Variants in CMYA5 observed in about 807,000 individuals in gnomAD.
CMYA5 encodes cardiomyopathy associated 5.
A neutral mutation model predicts 318.9 loss-of-function variants in CMYA5; 246 were observed. The observed-to-expected ratio is 0.77, with a 90% confidence interval of 0.70 to 0.86. The LOEUF is 0.86. Ranked by LOEUF, CMYA5 falls within the 40% of genes least tolerant of loss-of-function variation. CMYA5 has a pLI of 0.00. For synonymous variants in CMYA5, 1,641 were observed against 1,729.5 expected, an observed-to-expected ratio of 0.95 and a Z score of 1.27; for missense variants, 4,589 against 4,678.2, an observed-to-expected ratio of 0.98 and a Z score of 0.56.
At position 79,759,869 on chromosome 5, in the gene CMYA5, A is replaced by G. The variant is rs867433133; in HGVS notation, c.11260+967A>G. 3.9e-5 allele frequency among the ~76,000 whole-genome samples: 6 copies of G among 152,202 alleles called. No homozygotes were observed. In the South Asian group the frequency reaches 1.0e-3, roughly 26 times the overall value. On this transcript the variant is annotated intron_variant, in intron 7 of 12. Coordinates refer to ENST00000446378, the MANE Select transcript of CMYA5 (RefSeq NM_153610.5). ...TTATAGGCATGGTGTAAAGTTGGCT[A>G]AATCTGTCTGTAATGTCATGACTCC...
At chr5:79,714,133 C>G (rs1460133450) in intron 1 of CMYA5, among the ~76,000 whole-genome samples, 2 of 152,244 alleles carry the variant, frequency 1.3e-5, no homozygotes, top group East Asian at 3.9e-4. Context: ...TTACAACTTT[C>G]AAGAAGATTA....
At chr5:79,707,681 T>C (rs1396461612) in intron 1 of CMYA5, among the ~76,000 whole-genome samples, 1 of 152,200 alleles carries the variant, frequency 6.6e-6, no homozygotes, top group Non-Finnish European at 1.5e-5. Context: ...TTACATATCA[T>C]TTCCACATAA....
chr5:79,737,586 A>G lies in CMYA5; in HGVS notation c.8821A>G (p.Lys2941Glu). The G allele has an allele frequency of 2.5e-6, 4 of 1,613,756 alleles. No individual in the cohort carries two copies. The highest frequency in any genetic ancestry group is 3.4e-6 in the Non-Finnish European group (4 of 1,179,812). The change falls in exon 2 of 13, where the codon AAG becomes GAG. Residue 2941 changes from lysine (K) to glutamate (E), a missense_variant. By Grantham distance (56) the Lys-to-Glu change is moderately conservative. This residue lies in a region of CMYA5 where 2,431 missense variants were observed against 2,495.1 expected (regional missense o/e 0.97). Transcript: ENST00000446378. The part of the protein sequence containing the change: ...SKPAGLSEDQ[K>E]TAFSIISEGC... ...GCCAGCCGGACTTTCAGAAGATCAG[A>G]AGACTGCCTTTAGTATCATTTCTGA...
At position 79,745,289 on chromosome 5, in the gene CMYA5, C is replaced by G; in HGVS notation, c.10802C>G (p.Ala3601Gly). Residue 3601 changes from alanine (A) to glycine (G), a missense_variant, in exon 4 of 13, where the codon GCA becomes GGA. By Grantham distance (60) the Ala-to-Gly change is moderately conservative (BLOSUM62 0). Transcript: ENST00000446378. ...QNEEMMKKVL[A>G]QYDEKAQSFE... ...GAGGAAATGATGAAGAAGGTTTTAG[C>G]ACAGTATGATGAGAAAGCCCAGAGC... 1 of 1,612,978 alleles carries G rather than the reference C, an allele frequency of 6.2e-7. No individual in the cohort carries two copies. The highest frequency in any genetic ancestry group is 8.5e-7 in the Non-Finnish European group (1 of 1,179,412).
At chr5:79,760,486 G>A (rs1312088891) in intron 7 of CMYA5, among the ~76,000 whole-genome samples, 2 of 152,312 alleles carry the variant, frequency 1.3e-5, no homozygotes, top group African/African-American at 4.8e-5. Context: ...AGGTGTACAG[G>A]AAGCATGGCA....
At chr5:79,693,428 C>CT in intron 1 of CMYA5, among the ~76,000 whole-genome samples, 1 of 150,420 alleles carries the variant, frequency 6.6e-6, no homozygotes, top group Admixed American at 6.6e-5. Flanking sequence ...GCAGCCTTGA[C>CT]TAACCAGGCT....
At chr5:79,778,819 G>GTGTGTGTGTGTATGTGTGTGTGTT (rs1561228896) in intron 9 of CMYA5, among the ~76,000 whole-genome samples, 1 of 115,064 alleles carries the variant, frequency 8.7e-6, no homozygotes, top group Non-Finnish European at 1.7e-5. Flanking sequence ...TTCTGTGTGT[G>GTGTGTGTGTGTATGTGTGTGTGTT]TGTGTGTGTG....
intron 5 of CMYA5, among the ~76,000 whole-genome samples, chr5:79,751,414 T>G (rs1363831595): frequency 6.6e-6 from 1 of 152,140 alleles, no homozygotes; most frequent in Non-Finnish European, 1.5e-5. Flanking sequence ...AAACTCCCAC[T>G]CATTAATACC....
rs376586172 is a variant in CMYA5, at chr5:79,731,057, A to G, written c.2292A>G (p.Glu764=). 2.1e-5 allele frequency: 34 copies of G among 1,614,016 alleles called. No individual in the cohort carries two copies. The East Asian group carries it at 6.7e-4, about 32-fold the overall frequency. Residue 764 remains glutamate, a synonymous_variant, in exon 2 of 13, where the codon GAA becomes GAG. Coordinates refer to ENST00000446378, the MANE Select transcript of CMYA5 (RefSeq NM_153610.5). ...CATCCACAACCGAAAAGACTTCTGA[A>G]TGCCAGTCACCACTGCCTTCTACTG... is the stretch of plus-strand genomic sequence containing the variant. ...LSPSTTEKTS[E]CQSPLPSTAT...
intron 1 of CMYA5, among the ~76,000 whole-genome samples, chr5:79,704,836 A>G (rs772024008): frequency 6.6e-6 from 1 of 152,192 alleles, no homozygotes; most frequent in African/African-American, 2.4e-5. Context: ...GGGAGGCCTA[A>G]ATATACCTCT....
In CMYA5 at chr5:79,730,824, A is replaced by G. The variant is rs1179599407; in HGVS notation, c.2059A>G (p.Ser687Gly). 3 of 1,613,860 alleles carry G rather than the reference A, an allele frequency of 1.9e-6. No individual in the cohort carries two copies. The South Asian group carries it at 3.3e-5, about 18-fold the overall frequency. Residue 687 changes from serine to glycine, a missense_variant, in exon 2 of 13, where the codon AGT becomes GGT. Around this residue, in one of 3 missense-constraint regions of CMYA5, gnomAD observed 2,132 missense variants for 2,131.3 expected, o/e 1.00. Transcript: ENST00000446378. Reference sequence around the variant, plus strand: ...CCTATCAGGAGACGAGGCCTCAGAAAGTGGGTGTTACACACCAGACTCCAC... The same window carrying G: ...CCTATCAGGAGACGAGGCCTCAGAAGGTGGGTGTTACACACCAGACTCCAC... Reference protein sequence around the residue: ...MVLSGDEASESGCYTPDSTSA... With the variant: ...MVLSGDEASEGGCYTPDSTSA...
chr5:79,760,468 G>A (rs1828629520), intron 7 of CMYA5, among the ~76,000 whole-genome samples: 1 of 152,208 alleles, frequency 6.6e-6, no homozygotes, highest in Admixed American at 6.5e-5. Flanking sequence ...CTGGCTCACA[G>A]TTCCACAAGG....
chr5:79,748,520 CCTATCTATCTATCTATCTAT>C (rs5869002), intron 5 of CMYA5, among the ~76,000 whole-genome samples: 1,905 of 149,198 alleles, frequency 0.013, 30 homozygotes, highest in African/African-American at 0.044. Context: ...TATCTATCTA[CCTATCTATCTATCTATCTAT>C]CTATCTATCT....
rs528074530 is a variant in CMYA5 at position 79,765,256 on chromosome 5, C to T, written c.11555+2047C>T. Among the ~76,000 whole-genome samples, 76 of 152,296 alleles carry T rather than the reference C, an allele frequency of 5.0e-4. 1 individual carries two copies. Among genetic ancestry groups the T allele is most frequent in the African/African-American group, 1.6e-3 (68 of 41,552 alleles). ...TTTATTCAATAGGGAATCCTTTCCC[C>T]GTTGCTTGTTCTTGTCAGGTTTGTC... On this transcript the variant is annotated intron_variant, in intron 9 of 12. Transcript: ENST00000446378.
intron 9 of CMYA5, among the ~76,000 whole-genome samples, chr5:79,772,898 G>A (rs935625205): frequency 1.3e-5 from 2 of 152,178 alleles, no homozygotes; most frequent in Admixed American, 6.5e-5. Flanking sequence ...TACGATCTGT[G>A]TAGTTCAATC....
chr5:79,732,636 T>C lies in CMYA5; in HGVS notation c.3871T>C (p.Ser1291Pro). The C allele has an allele frequency of 6.2e-7, 1 of 1,613,502 alleles. No homozygotes were observed. The highest frequency in any genetic ancestry group is 8.5e-7 in the Non-Finnish European group (1 of 1,179,736). The change falls in exon 2 of 13, where the codon TCT (serine) becomes CCT (proline). Residue 1291 changes from serine (S) to proline (P), a missense_variant. This residue lies in a region of CMYA5 where 2,132 missense variants were observed against 2,131.3 expected (regional missense o/e 1.00). Coordinates refer to ENST00000446378, the MANE Select transcript of CMYA5 (RefSeq NM_153610.5). The part of the protein sequence containing the change: ...PYSPLKETSL[S>P]GPEALSAVKM... ...TTCACCTCTAAAGGAAACATCTTTA[T>C]CTGGACCTGAGGCTTTATCAGCAGT...
At chr5:79,758,659 ATTC>A in intron 6 of CMYA5, 91 bp from the exon 7 acceptor site, 1 of 1,032,472 alleles carries the variant, frequency 9.7e-7, no homozygotes, top group Non-Finnish European at 1.3e-6. Flanking sequence ...GTATTTCTGT[ATTC>A]TTTGAATATT....
chr5:79,704,096 A>C (rs1439528734), intron 1 of CMYA5, among the ~76,000 whole-genome samples: 1 of 152,188 alleles, frequency 6.6e-6, no homozygotes, highest in Non-Finnish European at 1.5e-5. Flanking sequence ...GTTAAAAAAA[A>C]AATTCTAAAT....
rs1198702129 is a variant in CMYA5, at chr5:79,730,293, G to C, written c.1528G>C (p.Glu510Gln). Reference protein sequence around the residue: ...MLEEPEKEEIETSLPIAITPE... With the variant: ...MLEEPEKEEIQTSLPIAITPE... ...AGAAGAACCAGAGAAAGAAGAAATA[G>C]AAACTTCCCTACCCATAGCTATTAC... The change falls in exon 2 of 13, where the codon GAA becomes CAA. Residue 510 changes from glutamate to glutamine, a missense_variant. Glu to Gln is a conservative substitution (Grantham distance 29). Coordinates refer to ENST00000446378, the MANE Select transcript of CMYA5 (RefSeq NM_153610.5). The C allele has an allele frequency of 6.2e-7, 1 of 1,613,918 alleles. No homozygotes were observed. Among genetic ancestry groups the C allele is most frequent in the Admixed American group, 1.7e-5 (1 of 60,010 alleles).
Sources: allele counts gnomAD v4.1 joint callset (sites outside exome capture counted in the v4.1 genomes callset), GRCh38; gene constraint gnomAD v4.1.1; regional missense constraint gnomAD v4.1.1; transcripts MANE v1.5; gene names NCBI Gene and HGNC (gene_info 2026-07-23, HGNC 2026-07-21).